MAGI1: variants seen among roughly 807,000 people sequenced by gnomAD.
MAGI1 encodes the protein membrane-associated guanylate kinase, WW and PDZ domain-containing protein 1.
MAGI1 carries 58 observed loss-of-function variants against 139.9 expected under a neutral mutation model. The observed-to-expected ratio is 0.41, with a 90% CI of 0.34 to 0.52. The LOEUF (loss-of-function observed/expected upper bound fraction) is 0.52, where lower values mean the gene tolerates loss of function less well. Among genes scored for constraint, MAGI1 ranks in the 20% least tolerant of loss-of-function variants. MAGI1 has a pLI of 0.12. For synonymous variants in MAGI1, 812 were observed against 737.9 expected, an observed-to-expected ratio of 1.10 and a Z score of -1.63; for missense variants, 1,874 against 1,901.6, an observed-to-expected ratio of 0.99 and a Z score of 0.27.
intron 1 of MAGI1, among the ~76,000 whole-genome samples, chr3:65,827,943 G>T (rs1398944303): frequency 2.6e-5 from 4 of 152,068 alleles, no homozygotes; most frequent in Non-Finnish European, 5.9e-5. Context: ...AAACAGTCAG[G>T]CTGAAATCCA....
intron 1 of MAGI1, among the ~76,000 whole-genome samples, chr3:65,624,165 A>G (rs2083837565): frequency 6.6e-6 from 1 of 152,182 alleles, no homozygotes. Flanking sequence ...ACTCAAATAT[A>G]CTGTTTAGCA....
intron 12 of MAGI1, among the ~76,000 whole-genome samples, chr3:65,427,308 T>A (rs552841778): frequency 6.6e-6 from 1 of 152,184 alleles, no homozygotes; most frequent in Admixed American, 6.5e-5. Flanking sequence ...TGAGACCCTG[T>A]CTCAAAAATA....
intron 2 of MAGI1, among the ~76,000 whole-genome samples, chr3:65,500,638 A>G (rs991723771): frequency 6.6e-6 from 1 of 152,228 alleles, no homozygotes; most frequent in African/African-American, 2.4e-5. Flanking sequence ...CCTACTGGTG[A>G]AATTCTGATA....
At chr3:65,395,244 AGT>A (rs1944287413) in intron 13 of MAGI1, among the ~76,000 whole-genome samples, 1 of 152,146 alleles carries the variant, frequency 6.6e-6, no homozygotes, top group African/African-American at 2.4e-5. Context: ...GTGTATACAT[AGT>A]GTGTGTAGAT....
chr3:65,782,287 A>G (rs1427200740), intron 1 of MAGI1, among the ~76,000 whole-genome samples: 1 of 152,158 alleles, frequency 6.6e-6, no homozygotes, highest in Admixed American at 6.5e-5. Context: ...CTGTAGATGA[A>G]TGGCACAGAA....
At chr3:66,027,958 G>A (rs2068380119) in intron 1 of MAGI1, among the ~76,000 whole-genome samples, 1 of 152,184 alleles carries the variant, frequency 6.6e-6, no homozygotes, top group South Asian at 2.1e-4. Context: ...GCCCCCAGCT[G>A]AGAACCACTG....
At position 65,363,507 on chromosome 3, in the gene MAGI1, G is replaced by A; in HGVS notation, c.3453C>T (p.Arg1151=). ...TCTCCGCAGGACCGTCCTCTGCTAA[G>A]CGCAGAACATAGAGGTCCATGTTAT... ...REYNMDLYVL[R]LAEDGPAERC... is the part of the protein sequence containing the mutation. Residue 1151 remains arginine (R), a synonymous_variant, in exon 21 of 23, where the codon CGC becomes CGT. Transcript: ENST00000402939. 6.2e-7 allele frequency: 1 copy of A among 1,614,054 alleles called. No individual in the cohort carries two copies. Among genetic ancestry groups the A allele is most frequent in the Non-Finnish European group, 8.5e-7 (1 of 1,179,946 alleles).
In MAGI1 at chr3:66,038,315, T is replaced by A. The variant is rs1559519041; in HGVS notation, c.-7A>T. The stretch of plus-strand genomic sequence containing the variant: ...TCTGGATCACTTTGGACATGATGAG[T>A]TACACCCCTCCTCCAAAAAAATAAA... On this transcript the variant is annotated 5_prime_UTR_variant, in exon 1 of 23. Transcript: ENST00000402939. 6.5e-7 allele frequency: 1 copy of A among 1,543,562 alleles called. No individual in the cohort carries two copies. Among genetic ancestry groups the A allele is most frequent in the Non-Finnish European group, 8.7e-7 (1 of 1,144,696 alleles).
intron 3 of MAGI1, among the ~76,000 whole-genome samples, chr3:65,491,355 C>T (rs1952019300): frequency 6.6e-6 from 1 of 152,138 alleles, no homozygotes; most frequent in Non-Finnish European, 1.5e-5. Flanking sequence ...ACTGACTCCA[C>T]CTATATATCA....
intron 9 of MAGI1, among the ~76,000 whole-genome samples, chr3:65,437,825 T>G (rs1947955938): frequency 6.6e-6 from 1 of 152,202 alleles, no homozygotes; most frequent in Non-Finnish European, 1.5e-5. Context: ...CATATTCAAT[T>G]GTACATTCTC....
chr3:65,955,142 AAC>A (rs772311279), intron 1 of MAGI1, among the ~76,000 whole-genome samples: 3 of 152,028 alleles, frequency 2.0e-5, no homozygotes, highest in Non-Finnish European at 4.4e-5. Context: ...GATGGGGAGA[AAC>A]ACAGAGACAG....
intron 1 of MAGI1, among the ~76,000 whole-genome samples, chr3:65,814,376 A>G (rs1468408498): frequency 1.3e-5 from 2 of 152,148 alleles, no homozygotes; most frequent in African/African-American, 4.8e-5. Flanking sequence ...AATGTATATC[A>G]ATCTAAGGCT....
At chr3:65,452,679 C>T (rs1949104288) in intron 6 of MAGI1, 1 of 151,560 alleles carries the variant, frequency 6.6e-6, no homozygotes, top group Non-Finnish European at 1.5e-5. Flanking sequence ...AGTTCATTTC[C>T]AAGATTAACA....
intron 1 of MAGI1, among the ~76,000 whole-genome samples, chr3:65,794,088 C>G (rs989375992): frequency 6.6e-6 from 1 of 152,166 alleles, no homozygotes; most frequent in African/African-American, 2.4e-5. Flanking sequence ...GGACCACACC[C>G]TAAGGCTAGA....
At chr3:65,984,197 G>A (rs910621842) in intron 1 of MAGI1, among the ~76,000 whole-genome samples, 2 of 152,180 alleles carry the variant, frequency 1.3e-5, no homozygotes, top group African/African-American at 2.4e-5. Flanking sequence ...GGGAGGCTGA[G>A]GCAGGAAAAT....
At chr3:65,801,171 T>G (rs1449325361) in intron 1 of MAGI1, among the ~76,000 whole-genome samples, 1 of 152,226 alleles carries the variant, frequency 6.6e-6, no homozygotes, top group East Asian at 1.9e-4. Flanking sequence ...AAATAATCAC[T>G]TCCTGAAATG....
chr3:65,910,395 A>T (rs1239266970), intron 1 of MAGI1, among the ~76,000 whole-genome samples: 2 of 152,242 alleles, frequency 1.3e-5, no homozygotes, highest in African/African-American at 4.8e-5. Context: ...TGTTGAAAAT[A>T]CACAAGTCTT....
At chr3:65,598,990 C>T (rs568122048) in intron 2 of MAGI1, among the ~76,000 whole-genome samples, 5 of 152,182 alleles carry the variant, frequency 3.3e-5, no homozygotes, top group East Asian at 1.9e-4. Flanking sequence ...AAAGAAAGGA[C>T]GCTATCCACT....
intron 1 of MAGI1, among the ~76,000 whole-genome samples, chr3:65,856,336 T>C (rs2059378015): frequency 6.6e-6 from 1 of 152,080 alleles, no homozygotes; most frequent in Admixed American, 6.6e-5. Context: ...ACCAATCAAA[T>C]GCACAGCTTA....
Sources: allele counts gnomAD v4.1 joint callset (sites outside exome capture counted in the v4.1 genomes callset), GRCh38; gene constraint gnomAD v4.1.1; transcripts MANE v1.5; gene names NCBI Gene and HGNC (gene_info 2026-07-23, HGNC 2026-07-21).